The following TRIM5 variants were observed in gnomAD, a reference collection of about 807,000 sequenced individuals.
TRIM5 encodes the protein tripartite motif-containing protein 5.
TRIM5 carries 31 observed loss-of-function variants against 35.6 expected under a neutral mutation model. The observed-to-expected ratio is 0.87, with a 90% CI of 0.65 to 1.18. The LOEUF (loss-of-function observed/expected upper bound fraction) is 1.18. Ranked by LOEUF, TRIM5 falls within the 50% of genes most tolerant of loss-of-function variation. The probability of loss-of-function intolerance (pLI) is 0.00; values close to 1 mark genes in which losing one functional copy is unlikely to be tolerated. For missense variants in TRIM5, 609 were observed against 591.6 expected (o/e 1.03, Z -0.31); for synonymous variants, 243 against 215.6 (o/e 1.13, Z -1.11).
the TRIM5 span, chr11:5,603,552 G>C: frequency 6.2e-7 from 1 of 1,614,106 alleles, no homozygotes; most frequent in East Asian, 2.2e-5. Context: ...TAGTGAGGCG[G>C]CTCAGAGAGG....
At chr11:5,655,990 T>C in the TRIM5 span, among the ~76,000 whole-genome samples, 2 of 152,146 alleles carry the variant, frequency 1.3e-5, no homozygotes, top group Non-Finnish European at 2.9e-5. Context: ...TTACACCTTA[T>C]AGAAAAATTA....
chr11:5,664,791 C>G lies in TRIM5; in HGVS notation c.*18G>C. On this transcript the variant is annotated 3_prime_UTR_variant, in exon 8 of 8. Coordinates refer to ENST00000380034, the MANE Select transcript of TRIM5 (RefSeq NM_033034.3). ...GACAAGAGGTGCTGTACAGAAGGGG[C>G]TGAGTGTGTAAGAAGGTTCAAGAGC... 3 of 1,565,832 alleles carry G rather than the reference C, an allele frequency of 1.9e-6. No homozygotes were observed. In the South Asian group the frequency reaches 3.7e-5, roughly 19 times the overall value.
the TRIM5 span, chr11:5,603,188 T>C: frequency 1.3e-6 from 2 of 1,565,306 alleles, no homozygotes; most frequent in Non-Finnish European, 1.7e-6. Flanking sequence ...CAGTCAGTAT[T>C]CCCTTATTCT....
At chr11:5,599,504 C>T in the TRIM5 span, among the ~76,000 whole-genome samples, 5 of 152,056 alleles carry the variant, frequency 3.3e-5, no homozygotes, top group Non-Finnish European at 4.4e-5. Context: ...TCCGGGTTCA[C>T]GCCATTCTCC....
the TRIM5 span, among the ~76,000 whole-genome samples, chr11:5,613,409 T>G: frequency 6.6e-6 from 1 of 152,220 alleles, no homozygotes; most frequent in African/African-American, 2.4e-5. Flanking sequence ...TAGTGCAGAT[T>G]ATAGTAAAAG....
the TRIM5 span, among the ~76,000 whole-genome samples, chr11:5,617,917 C>T: frequency 6.6e-6 from 1 of 152,066 alleles, no homozygotes; most frequent in African/African-American, 2.4e-5. Flanking sequence ...TATGAAGTGG[C>T]AGAATTGACC....
chr11:5,604,760 C>A, the TRIM5 span: 1 of 893,256 alleles, frequency 1.1e-6, no homozygotes. Flanking sequence ...TTGCCTGGTC[C>A]TCCACTATAT....
At chr11:5,677,944 A>G (rs2134105296) in intron 4 of TRIM5, 1 of 326,356 alleles carries the variant, frequency 3.1e-6, no homozygotes, top group Admixed American at 4.6e-5. Flanking sequence ...TACAGAGAAT[A>G]GGAACCTATC....
the TRIM5 span, chr11:5,604,789 G>A: frequency 6.0e-6 from 4 of 671,348 alleles, no homozygotes; most frequent in Non-Finnish European, 9.4e-6. Context: ...AACAGGGGGA[G>A]GAGAGGAGGT....
At chr11:5,598,697 C>T in the TRIM5 span, among the ~76,000 whole-genome samples, 2 of 152,176 alleles carry the variant, frequency 1.3e-5, no homozygotes, top group Non-Finnish European at 2.9e-5. Context: ...ACTTCAAATG[C>T]TCAAGAGCCA....
the TRIM5 span, among the ~76,000 whole-genome samples, chr11:5,652,181 C>T: frequency 2.6e-5 from 4 of 151,858 alleles, no homozygotes; most frequent in Non-Finnish European, 4.4e-5. Flanking sequence ...AGATCCCATT[C>T]GTCAACATTT....
chr11:5,634,548 T>TATATATATATA, the TRIM5 span: 1 of 987,852 alleles, frequency 1.0e-6, no homozygotes, highest in African/African-American at 1.8e-5. Context: ...TATATATATA[T>TATATATATATA]TTCCCTACTG....
the TRIM5 span, among the ~76,000 whole-genome samples, chr11:5,613,795 T>G: frequency 6.6e-6 from 1 of 152,224 alleles, no homozygotes; most frequent in Admixed American, 6.5e-5. Flanking sequence ...TATCCTAATA[T>G]TTCCCAAAAT....
Position 5,669,826 on chromosome 11 carries a change from C to T in TRIM5, c.745-2115G>A, listed in dbSNP as rs944410164. ...CAGCCTGGCCAATCTGGTGAAATCC[C>T]GTCTCTTCAAAACATACGCATGCCT... is the stretch of plus-strand genomic sequence containing the variant. On this transcript the variant is annotated intron_variant, in intron 4 of 7. Transcript: ENST00000380034. The T allele has an allele frequency of 9.4e-5, 16 of 169,606 alleles. No individual in the cohort carries two copies. In the South Asian group the frequency reaches 1.2e-3, roughly 13 times the overall value. The allele number at this position is 169,606 out of a possible 1,614,324, so 10.5% of individuals were successfully genotyped here.
the TRIM5 span, chr11:5,634,530 C>CACACATATATATATATATATAT: frequency 6.4e-5 from 13 of 203,904 alleles, no homozygotes; most frequent in African/African-American, 4.1e-4. Context: ...CACACACACA[C>CACACATATATATATATATATAT]ATATATATAT....
the TRIM5 span, chr11:5,591,030 TAGTAAC>T: frequency 6.0e-6 from 1 of 166,444 alleles, no homozygotes; most frequent in African/African-American, 2.4e-5. Flanking sequence ...GCATCTAAGA[TAGTAAC>T]AGTAAAGATG....
At chr11:5,655,731 G>A in the TRIM5 span, 19 of 977,892 alleles carry the variant, frequency 1.9e-5, no homozygotes, top group Non-Finnish European at 2.3e-5. Context: ...AGATAACCGG[G>A]CACAAAAGTA....
At chr11:5,642,683 G>A in the TRIM5 span, 10 of 1,324,184 alleles carry the variant, frequency 7.6e-6, no homozygotes, top group African/African-American at 4.1e-5. Flanking sequence ...CTAGGTCTCT[G>A]GTTTATCTTT....
At chr11:5,654,516 T>C in the TRIM5 span, among the ~76,000 whole-genome samples, 8 of 152,254 alleles carry the variant, frequency 5.3e-5, no homozygotes, top group Non-Finnish European at 7.4e-5. Flanking sequence ...AGGATGTTCC[T>C]TGTGACCCTG....
Sources: allele counts gnomAD v4.1 joint callset (sites outside exome capture counted in the v4.1 genomes callset), GRCh38; gene constraint gnomAD v4.1.1; transcripts MANE v1.5; gene names NCBI Gene and HGNC (gene_info 2026-07-23, HGNC 2026-07-21).